Variants in ANKS1B observed in about 807,000 individuals in gnomAD.
ANKS1B encodes the protein ankyrin repeat and sterile alpha motif domain containing 1B.
In ANKS1B, 36 loss-of-function variants were observed where a neutral mutation model predicts 148.3. That is an observed-to-expected ratio of 0.24 (90% CI 0.19 to 0.32). The LOEUF (loss-of-function observed/expected upper bound fraction) is 0.32, where lower values mean the gene tolerates loss of function less well. Ranked by LOEUF, ANKS1B falls within the 10% of genes least tolerant of loss-of-function variation. The pLI, the probability that ANKS1B is intolerant of heterozygous loss-of-function variation, is 1.00. For missense variants in ANKS1B, 1,157 were observed against 1,542.6 expected (o/e 0.75, Z 4.19); for synonymous variants, 542 against 560.8 (o/e 0.97, Z 0.47).
At chr12:99,202,922 T>G (rs1350036413) in intron 14 of ANKS1B, among the ~76,000 whole-genome samples, 3 of 152,188 alleles carry the variant, frequency 2.0e-5, no homozygotes, top group Admixed American at 2.0e-4. Context: ...CTACATCCTC[T>G]CCACACTCTC....
intron 9 of ANKS1B, among the ~76,000 whole-genome samples, chr12:99,527,465 A>C (rs2096938016): frequency 1.3e-5 from 2 of 152,240 alleles, no homozygotes; most frequent in Admixed American, 1.3e-4. Context: ...GACTGCACAA[A>C]GTCCACCTGG....
intron 1 of ANKS1B, among the ~76,000 whole-genome samples, chr12:99,973,343 G>T (rs781235200): frequency 1.3e-5 from 2 of 152,264 alleles, no homozygotes; most frequent in Non-Finnish European, 2.9e-5. Context: ...ACTTTGGGAG[G>T]CCAAGGTGGG....
chr12:98,848,349 G>T (rs779117323), intron 17 of ANKS1B, among the ~76,000 whole-genome samples: 23 of 152,118 alleles, frequency 1.5e-4, no homozygotes, highest in Non-Finnish European at 2.8e-4. Context: ...GCCCTAGAAT[G>T]ATGATAGTGT....
At chr12:99,365,879 G>A (rs568609509) in intron 12 of ANKS1B, among the ~76,000 whole-genome samples, 12 of 151,956 alleles carry the variant, frequency 7.9e-5, no homozygotes, top group South Asian at 2.1e-4. Context: ...AAATAGGGTC[G>A]TACTGAAACA....
intron 25 of ANKS1B, among the ~76,000 whole-genome samples, chr12:98,759,000 C>CT (rs1471432664): frequency 6.7e-6 from 1 of 149,676 alleles, no homozygotes; most frequent in African/African-American, 2.5e-5. Flanking sequence ...AGGCTGGTCT[C>CT]GAGCTCCTGG....
At chr12:98,875,313 G>A (rs2099685610) in intron 17 of ANKS1B, among the ~76,000 whole-genome samples, 1 of 152,196 alleles carries the variant, frequency 6.6e-6, no homozygotes, top group African/African-American at 2.4e-5. Context: ...CTGGAAAGCT[G>A]ACCATGTAAA....
intron 15 of ANKS1B, among the ~76,000 whole-genome samples, chr12:99,131,493 A>T (rs759922295): frequency 6.6e-6 from 1 of 152,168 alleles, no homozygotes; most frequent in Non-Finnish European, 1.5e-5. Flanking sequence ...GCATCAACTA[A>T]ATTATCTGCC....
At chr12:99,706,149 A>T (rs1411558997) in intron 8 of ANKS1B, among the ~76,000 whole-genome samples, 2 of 152,086 alleles carry the variant, frequency 1.3e-5, no homozygotes, top group Admixed American at 6.6e-5. Context: ...CTGTTATAGT[A>T]AGCGGTAGGA....
chr12:98,817,144 G>A (rs557777543), intron 19 of ANKS1B, among the ~76,000 whole-genome samples: 84 of 152,322 alleles, frequency 5.5e-4, no homozygotes, highest in African/African-American at 1.9e-3. Flanking sequence ...GAATAATGAA[G>A]TGCATTCCTT....
At chr12:99,045,468 A>G (rs994395209) in intron 17 of ANKS1B, among the ~76,000 whole-genome samples, 6 of 152,108 alleles carry the variant, frequency 3.9e-5, no homozygotes, top group African/African-American at 1.2e-4. Flanking sequence ...CCCTCTAACC[A>G]CTGGTTGCAG....
intron 1 of ANKS1B, among the ~76,000 whole-genome samples, chr12:99,837,438 T>C (rs530803699): frequency 6.6e-6 from 1 of 152,296 alleles, no homozygotes; most frequent in South Asian, 2.1e-4. Flanking sequence ...CGTTCAGACC[T>C]TTCCAAATAC....
At chr12:99,901,583 G>A (rs1012014096) in intron 1 of ANKS1B, among the ~76,000 whole-genome samples, 2 of 151,996 alleles carry the variant, frequency 1.3e-5, no homozygotes, top group African/African-American at 4.8e-5. Context: ...TGGGTCTTCT[G>A]GTACAACTCC....
At chr12:99,565,083 T>C (rs181352906) in intron 9 of ANKS1B, among the ~76,000 whole-genome samples, 1 of 152,332 alleles carries the variant, frequency 6.6e-6, no homozygotes, top group African/African-American at 2.4e-5. Flanking sequence ...ACTCTTATTC[T>C]TAAAGAATTA....
At chr12:99,338,934 A>G (rs1446277089) in intron 12 of ANKS1B, among the ~76,000 whole-genome samples, 1 of 152,024 alleles carries the variant, frequency 6.6e-6, no homozygotes, top group Non-Finnish European at 1.5e-5. Context: ...TTACTCTCCC[A>G]TCTCGTCTCC....
chr12:99,565,448 T>A (rs1263871100), intron 9 of ANKS1B, among the ~76,000 whole-genome samples: 1 of 152,112 alleles, frequency 6.6e-6, no homozygotes, highest in Non-Finnish European at 1.5e-5. Flanking sequence ...ACATCACAGT[T>A]CTAATGGGGG....
intron 22 of ANKS1B, among the ~76,000 whole-genome samples, chr12:98,788,303 G>A (rs2098816395): frequency 6.6e-6 from 1 of 151,904 alleles, no homozygotes. Context: ...CAGTCTCAAG[G>A]AGGCAAGGCT....
intron 1 of ANKS1B, among the ~76,000 whole-genome samples, chr12:99,890,569 TGGTGTGTGTGTGTGTGTGTGTG>T (rs1252229184): frequency 1.7e-5 from 2 of 115,570 alleles, no homozygotes; most frequent in African/African-American, 6.7e-5. Flanking sequence ...CTCGCATTCA[TGGTGTGTGTGTGTGTGTGTGTG>T]TGTGTGTGTG....
At chr12:99,642,848 T>G (rs1342258758) in intron 9 of ANKS1B, among the ~76,000 whole-genome samples, 1 of 152,138 alleles carries the variant, frequency 6.6e-6, no homozygotes, top group African/African-American at 2.4e-5. Context: ...TTCCCTGCCT[T>G]TTTCAACTTC....
chr12:99,843,527 A>G lies in ANKS1B; in HGVS notation c.135-18138T>C, dbSNP rs59649444. On this transcript the variant is annotated intron_variant, in intron 1 of 26. Transcript: ENST00000683438. Reference sequence around the variant, plus strand: ...GTGGTATTTGATTTTCTATTCCTGCATTAGTTTGCTGAGGATAATGGCTTC... The same window carrying G: ...GTGGTATTTGATTTTCTATTCCTGCGTTAGTTTGCTGAGGATAATGGCTTC... 7.9e-3 allele frequency among the ~76,000 whole-genome samples: 1,197 copies of G among 152,114 alleles called. 16 individuals carry two copies. Among genetic ancestry groups the G allele is most frequent in the African/African-American group, 0.027 (1,131 of 41,510 alleles).
Sources: allele counts gnomAD v4.1 joint callset (sites outside exome capture counted in the v4.1 genomes callset), GRCh38; gene constraint gnomAD v4.1.1; transcripts MANE v1.5; gene names NCBI Gene and HGNC (gene_info 2026-07-23, HGNC 2026-07-21).